ASXL3: variants seen among roughly 807,000 people sequenced by gnomAD.
ASXL3 encodes the protein putative Polycomb group protein ASXL3.
ASXL3 carries 34 observed loss-of-function variants against 170.6 expected under a neutral mutation model. The observed-to-expected ratio is 0.20, with a 90% CI of 0.15 to 0.27. The LOEUF is 0.27. Among genes scored for constraint, ASXL3 ranks in the 10% least tolerant of loss-of-function variants. The probability of loss-of-function intolerance (pLI) is 1.00; values close to 1 mark genes in which losing one functional copy is unlikely to be tolerated. For missense variants in ASXL3, 2,592 were observed against 2,695.3 expected, an observed-to-expected ratio of 0.96 and a Z score of 0.85; for synonymous variants, 1,002 against 989.1, an observed-to-expected ratio of 1.01 and a Z score of -0.24.
rs2065271980 is a variant in ASXL3, at chr18:33,607,762, G to C, written c.137+86G>C. ...TAAGCGATAGGTGTATCTAGATTTT[G>C]ATATTGTAGTTGATTGTGAATTAAC... On this transcript the variant is annotated intron_variant, in intron 2 of 11. Coordinates refer to ENST00000269197, the MANE Select transcript of ASXL3 (RefSeq NM_030632.3). The C allele has an allele frequency of 4.0e-5, 40 of 999,492 alleles. 1 individual carries two copies. The South Asian group carries it at 6.1e-4, about 15-fold the overall frequency. 61.9% of individuals were successfully genotyped at this position (999,492 alleles called of 1,614,324 possible).
intron 4 of ASXL3, among the ~76,000 whole-genome samples, chr18:33,657,698 C>T (rs1214865742): frequency 1.3e-5 from 2 of 152,072 alleles, no homozygotes; most frequent in Non-Finnish European, 2.9e-5. Context: ...CTATAATCTC[C>T]CACCTCCTTT....
At chr18:33,676,222 CAAAAAAAAAAAAAAAA>C (rs568221465) in intron 7 of ASXL3, among the ~76,000 whole-genome samples, 1 of 41,732 alleles carries the variant, frequency 2.4e-5, no homozygotes, top group East Asian at 1.3e-3. Context: ...GACTCCGTCT[CAAAAAAAAAAAAAAAA>C]AAAAAAAAAT....
chr18:33,737,025 T>C (rs989211008), intron 10 of ASXL3, among the ~76,000 whole-genome samples: 8 of 152,118 alleles, frequency 5.3e-5, no homozygotes, highest in African/African-American at 1.9e-4. Flanking sequence ...CTTGACCTAG[T>C]CCCAAGGAAC....
At chr18:33,699,667 C>A (rs2145322478) in intron 8 of ASXL3, among the ~76,000 whole-genome samples, 1 of 152,094 alleles carries the variant, frequency 6.6e-6, no homozygotes, top group Non-Finnish European at 1.5e-5. Flanking sequence ...TCATGTTCCC[C>A]TACAAAGAAT....
At chr18:33,619,980 T>G (rs771236836) in intron 2 of ASXL3, among the ~76,000 whole-genome samples, 5 of 152,128 alleles carry the variant, frequency 3.3e-5, no homozygotes, top group Non-Finnish European at 5.9e-5. Context: ...CAGTATAGTT[T>G]CAGAAGCAGC....
At chr18:33,639,221 G>A (rs1410550278) in intron 2 of ASXL3, among the ~76,000 whole-genome samples, 1 of 151,930 alleles carries the variant, frequency 6.6e-6, no homozygotes. Context: ...TTTAATCTTC[G>A]GATTAATTCT....
chr18:33,609,146 T>A, intron 2 of ASXL3: 1 of 841,638 alleles, frequency 1.2e-6, no homozygotes, highest in South Asian at 5.5e-5. Flanking sequence ...GTTTAAGGAG[T>A]TAGGGAACAA....
chr18:33,616,775 A>T (rs1212348526), intron 2 of ASXL3: 2 of 152,262 alleles, frequency 1.3e-5, no homozygotes, highest in Non-Finnish European at 2.9e-5. Context: ...TTGCTGTGTC[A>T]TCACATTGGC....
At position 33,745,888 on chromosome 18, in the gene ASXL3, C is replaced by G. The variant is rs2067775000; in HGVS notation, c.6040C>G (p.Leu2014Val). Residue 2014 changes from leucine to valine, a missense_variant, in exon 12 of 12, where the codon CTA (leucine) becomes GTA (valine). Leu to Val is a conservative substitution (Grantham distance 32, BLOSUM62 1). Around this residue, in one of 4 missense-constraint regions of ASXL3, gnomAD observed 2,246 missense variants for 2,219.6 expected, o/e 1.01. Transcript: ENST00000269197. ...TGCACACACAATGCCAAACAAAGCACTAGTACATCCGCCGCCGCCACCGCC... is the reference window on the plus strand; with the variant it reads ...TGCACACACAATGCCAAACAAAGCAGTAGTACATCCGCCGCCGCCACCGCC... ...GTAHTMPNKA[L>V]VHPPPPPPPP... The G allele has an allele frequency of 6.2e-7, 1 of 1,612,900 alleles. No individual in the cohort carries two copies. Among genetic ancestry groups the G allele is most frequent in the African/African-American group, 1.3e-5 (1 of 74,772 alleles).
intron 5 of ASXL3, among the ~76,000 whole-genome samples, chr18:33,663,197 C>A (rs1391747555): frequency 6.6e-6 from 1 of 152,012 alleles, no homozygotes. Flanking sequence ...ATTCAGACAG[C>A]AAATAAGATG....
chr18:33,584,458 T>TA, intron 1 of ASXL3, among the ~76,000 whole-genome samples: 1 of 152,214 alleles, frequency 6.6e-6, no homozygotes, highest in Middle Eastern at 3.4e-3. Flanking sequence ...GAATATCACT[T>TA]ATGTCATAAG....
chr18:33,656,201 T>C (rs531062060), intron 4 of ASXL3, among the ~76,000 whole-genome samples: 18 of 152,134 alleles, frequency 1.2e-4, no homozygotes, highest in Non-Finnish European at 2.6e-4. Flanking sequence ...TTAAATTTTT[T>C]ATTCATATAA....
In ASXL3 at chr18:33,742,929, C is replaced by G; in HGVS notation, c.3081C>G (p.Ser1027Arg). 1 of 1,607,070 alleles carries G rather than the reference C, an allele frequency of 6.2e-7. No homozygotes were observed. Among genetic ancestry groups the G allele is most frequent in the East Asian group, 2.2e-5 (1 of 44,814 alleles). The change falls in exon 12 of 12, where the codon AGC becomes AGG. Residue 1027 changes from serine (S) to arginine (R), a missense_variant. Physicochemically the swap from Ser to Arg is moderately radical, Grantham distance 110. Around this residue, in one of 4 missense-constraint regions of ASXL3, gnomAD observed 2,246 missense variants for 2,219.6 expected, o/e 1.01. Transcript: ENST00000269197. Reference sequence around the variant, plus strand: ...TTGGGCCACCTTTTATAATCAAGAGCCAACCAGTCTCCAAACCTGAGTCTC... The same window carrying G: ...TTGGGCCACCTTTTATAATCAAGAGGCAACCAGTCTCCAAACCTGAGTCTC... ...SKIGPPFIIK[S>R]QPVSKPESRA...
chr18:33,716,917 T>A (rs1288207247), intron 8 of ASXL3, among the ~76,000 whole-genome samples: 1 of 149,354 alleles, frequency 6.7e-6, no homozygotes, highest in Non-Finnish European at 1.5e-5. Flanking sequence ...AAAAAAGTAA[T>A]TGAGTGGGGA....
At chr18:33,688,544 C>T (rs1310706013) in intron 8 of ASXL3, among the ~76,000 whole-genome samples, 1 of 152,048 alleles carries the variant, frequency 6.6e-6, no homozygotes, top group Admixed American at 6.6e-5. Flanking sequence ...GCATAGTCAT[C>T]ACAGAGAAGT....
chr18:33,587,376 A>G (rs1403508504), intron 1 of ASXL3, among the ~76,000 whole-genome samples: 1 of 152,180 alleles, frequency 6.6e-6, no homozygotes, highest in Non-Finnish European at 1.5e-5. Flanking sequence ...TACATTTATC[A>G]GCTTATTTAA....
At chr18:33,593,937 T>C (rs1197618177) in intron 1 of ASXL3, among the ~76,000 whole-genome samples, 1 of 152,190 alleles carries the variant, frequency 6.6e-6, no homozygotes, top group Non-Finnish European at 1.5e-5. Flanking sequence ...ATAAAAGATA[T>C]TTTACATTTA....
chr18:33,736,121 G>A (rs2067542493), intron 10 of ASXL3, among the ~76,000 whole-genome samples: 1 of 152,074 alleles, frequency 6.6e-6, no homozygotes, highest in South Asian at 2.1e-4. Context: ...ATAACCGTGA[G>A]GTTATTAAAT....
At chr18:33,590,641 A>T (rs534173898) in intron 1 of ASXL3, among the ~76,000 whole-genome samples, 1 of 152,214 alleles carries the variant, frequency 6.6e-6, no homozygotes, top group East Asian at 1.9e-4. Flanking sequence ...TATTATTTTT[A>T]TAATATTTAT....
Sources: gnomAD v4.1 joint callset for allele counts (sites outside exome capture counted in the v4.1 genomes callset) on GRCh38, gnomAD v4.1.1 for gene constraint, gnomAD v4.1.1 regional missense constraint, MANE v1.5 for transcripts, NCBI Gene and HGNC (gene_info 2026-07-23, HGNC 2026-07-21) for gene names.